Variants in KMT5C observed in about 807,000 individuals in gnomAD.
The protein encoded by KMT5C is histone-lysine N-methyltransferase KMT5C.
Under a neutral mutation model 38.2 loss-of-function variants are expected in KMT5C, and 16 were observed. That is an observed-to-expected ratio of 0.42 (90% CI 0.28 to 0.64). The LOEUF is 0.64. Ranked by LOEUF, KMT5C falls within the 30% of genes least tolerant of loss-of-function variation. The pLI is 0.23. For missense variants in KMT5C, 598 were observed against 665.1 expected, an observed-to-expected ratio of 0.90 and a Z score of 1.11; for synonymous variants, 291 against 279.0, an observed-to-expected ratio of 1.04 and a Z score of -0.43.
chr19:55,346,308 C>T lies in KMT5C; in HGVS notation c.666C>T (p.Phe222=), dbSNP rs142116321. 643 of 1,614,032 alleles carry T rather than the reference C, an allele frequency of 4.0e-4. 2 individuals are homozygous for T. The African/African-American group carries it at 5.6e-3, about 14-fold the overall frequency. ...EVTCFYGEGF[F]GEKNEHCECH... ...CATGCTTCTACGGCGAGGGCTTCTT[C>T]GGCGAGAAGAATGAGCACTGTGAAT... Residue 222 remains phenylalanine, a synonymous_variant, in exon 7 of 9, where the codon TTC becomes TTT. Transcript: ENST00000255613.
At chr19:55,340,166 G>C (rs2057016865) in intron 1 of KMT5C, among the ~76,000 whole-genome samples, 1 of 151,688 alleles carries the variant, frequency 6.6e-6, no homozygotes, top group Non-Finnish European at 1.5e-5. Flanking sequence ...CCCGGGCCCT[G>C]ACCCCCTTCT....
At position 55,347,206 on chromosome 19, in the gene KMT5C, C is replaced by A. The variant is rs10420654; in HGVS notation, c.1146C>A (p.Ala382=). Residue 382 remains alanine (A), a synonymous_variant, in exon 9 of 9, where the codon GCC becomes GCA. Coordinates refer to ENST00000255613, the MANE Select transcript of KMT5C (RefSeq NM_032701.4). This position sits in a 1 kb window ranked among gnomAD's most constrained non-coding sequence, Gnocchi z 4.6. The stretch of plus-strand genomic sequence containing the variant: ...TGGCCCTGGGCCAGCCCCCCCACGC[C>A]CGCTGGGCCCCTCAGCAGGACTGGC... ...ALVALGQPPH[A]RWAPQQDWHW... 7.5e-3 allele frequency: 11,582 copies of A among 1,539,466 alleles called. 720 individuals carry two copies. The African/African-American group carries it at 0.14, about 18-fold the overall frequency.
intron 1 of KMT5C, among the ~76,000 whole-genome samples, 168 bp downstream of exon 1, chr19:55,340,125 G>A (rs553988321): frequency 1.3e-5 from 2 of 150,154 alleles, no homozygotes; most frequent in African/African-American, 4.9e-5. Context: ...CGGGCTCCGC[G>A]GCACTGCAGC....
intron 6 of KMT5C, chr19:55,344,744 C>A: frequency 1.9e-6 from 1 of 527,370 alleles, no homozygotes; most frequent in East Asian, 5.5e-5. Flanking sequence ...GGAGAGGCCG[C>A]TGGTTGTCCT....
rs768264870 is a variant in KMT5C at position 55,342,269 on chromosome 19, C to T, written c.165C>T (p.Phe55=). The change falls in exon 3 of 9, where the codon TTC becomes TTT. Residue 55 remains phenylalanine, a synonymous_variant. Transcript: ENST00000255613. ...QQHLRSALET[F]LRQRDLEAAY... is the part of the protein sequence containing the mutation. The stretch of plus-strand genomic sequence containing the variant: ...ACCTGCGCTCAGCGCTGGAAACTTT[C>T]CTGAGGCAGCGGGACCTGGAGGCTG... 5.0e-6 allele frequency: 8 copies of T among 1,607,764 alleles called. No individual in the cohort carries two copies. The highest frequency in any genetic ancestry group is 6.8e-6 in the Non-Finnish European group (8 of 1,178,044).
At chr19:55,346,848 G>C in intron 8 of KMT5C, 108 bp from the exon 9 acceptor site, 1 of 786,336 alleles carries the variant, frequency 1.3e-6, no homozygotes. Flanking sequence ...CATTCCTCTG[G>C]GGAGCGCAGG....
At position 55,343,391 on chromosome 19, in the gene KMT5C, G is replaced by A. The variant is rs987686538; in HGVS notation, c.387-289G>A. The A allele has an allele frequency of 3.0e-5, 14 of 468,912 alleles. No individual in the cohort carries two copies. In the South Asian group the frequency reaches 3.3e-4, roughly 11 times the overall value. 29.0% of individuals were successfully genotyped at this position (468,912 alleles called of 1,614,324 possible). On this transcript the variant is annotated intron_variant, in intron 4 of 8. Coordinates refer to ENST00000255613, the MANE Select transcript of KMT5C (RefSeq NM_032701.4). This position sits in a 1 kb window ranked among gnomAD's most constrained non-coding sequence, Gnocchi z 5.5. ...TAGTCCAGGCAGGAGGGATTTGGGGGCAGGAGGTGCTATGAGAGCGAGGGG... is the reference window on the plus strand; with the variant it reads ...TAGTCCAGGCAGGAGGGATTTGGGGACAGGAGGTGCTATGAGAGCGAGGGG...
chr19:55,340,310 C>G (rs2089542608), intron 1 of KMT5C, among the ~76,000 whole-genome samples: 1 of 151,350 alleles, frequency 6.6e-6, no homozygotes, highest in Admixed American at 6.6e-5. Flanking sequence ...CCAGGTCTCT[C>G]CCTGCACCCT....
At position 55,347,077 on chromosome 19, in the gene KMT5C, G is replaced by A; in HGVS notation, c.1017G>A (p.Arg339=). Reference sequence around the variant, plus strand: ...GGCCCCGGAAGCGCCGACGCCCCCGGCCCCGGAGGGCCCCAGTGCTCTCCA... The same window carrying A: ...GGCCCCGGAAGCGCCGACGCCCCCGACCCCGGAGGGCCCCAGTGCTCTCCA... ...RVRPRKRRRP[R]PRRAPVLSTH... The change falls in exon 9 of 9, where the codon CGG becomes CGA. Residue 339 remains arginine (R), a synonymous_variant. Transcript: ENST00000255613. This position sits in a 1 kb window ranked among gnomAD's most constrained non-coding sequence, Gnocchi z 4.6. The A allele has an allele frequency of 6.4e-7, 1 of 1,572,108 alleles. No individual in the cohort carries two copies. Among genetic ancestry groups the A allele is most frequent in the Non-Finnish European group, 8.6e-7 (1 of 1,166,570 alleles).
In KMT5C at chr19:55,346,503, A is replaced by G; in HGVS notation, c.711A>G (p.Lys237=). 1 of 1,593,704 alleles carries G rather than the reference A, an allele frequency of 6.3e-7. No homozygotes were observed. Among genetic ancestry groups the G allele is most frequent in the Non-Finnish European group, 8.5e-7 (1 of 1,170,596 alleles). The change falls in exon 8 of 9, where the codon AAA becomes AAG. Residue 237 remains lysine (K), a synonymous_variant. Coordinates refer to ENST00000255613, the MANE Select transcript of KMT5C (RefSeq NM_032701.4). Reference sequence around the variant, plus strand: ...TCCCCTTCACCCGGTCTCCCAGGAAAGGTGAAGGAGCTTTCCGAACCAGGC... The same window carrying G: ...TCCCCTTCACCCGGTCTCCCAGGAAGGGTGAAGGAGCTTTCCGAACCAGGC... ...EHCECHTCER[K]GEGAFRTRPR...
In KMT5C at chr19:55,343,613, C is replaced by T. The variant is rs1385431426; in HGVS notation, c.387-67C>T. 19 of 1,504,468 alleles carry T rather than the reference C, an allele frequency of 1.3e-5. No homozygotes were observed. The highest frequency in any genetic ancestry group is 2.5e-5 in the East Asian group (1 of 40,404). 93.2% of individuals were successfully genotyped at this position (1,504,468 alleles called of 1,614,324 possible). On this transcript the variant is annotated intron_variant, in intron 4 of 8. Coordinates refer to ENST00000255613, the MANE Select transcript of KMT5C (RefSeq NM_032701.4). This position sits in a 1 kb window ranked among gnomAD's most constrained non-coding sequence, Gnocchi z 5.5. ...CCTGGGTGCCTCTGTGCCGGAGGCC[C>T]GAGTCCCCTGAACACCTGCAGGAGG...
chr19:55,344,298 C>G (rs2123194711), intron 6 of KMT5C: 2 of 290,288 alleles, frequency 6.9e-6, no homozygotes, highest in South Asian at 7.4e-5. Context: ...GGAGGCGGAG[C>G]TTGCGGTGAG....
At position 55,341,975 on chromosome 19, in the gene KMT5C, GAAC is replaced by G; in HGVS notation, c.40_42del (p.Asn14del). The G allele has an allele frequency of 6.2e-7, 1 of 1,613,704 alleles. No homozygotes were observed. The highest frequency in any genetic ancestry group is 8.5e-7 in the Non-Finnish European group (1 of 1,179,972). ...GAGTGACAGCACGAGAACTGTGCGA[GAAC>G]GACGACCTGGCCACCAGCCTCGTCC... On this transcript the variant is annotated inframe_deletion, in exon 2 of 9. Coordinates refer to ENST00000255613, the MANE Select transcript of KMT5C (RefSeq NM_032701.4).
At chr19:55,344,761 C>G in intron 6 of KMT5C, 1 of 528,300 alleles carries the variant, frequency 1.9e-6, no homozygotes. Flanking sequence ...TCCTGTAGCC[C>G]GGAAGCAGAA....
intron 3 of KMT5C, 98 bp downstream of exon 3, chr19:55,342,478 C>T: frequency 1.1e-6 from 1 of 941,690 alleles, no homozygotes; most frequent in Non-Finnish European, 1.5e-6. Flanking sequence ...CTCAGCGCAG[C>T]CCCTGGGGCC....
At chr19:55,341,355 G>A (rs2089554324) in intron 1 of KMT5C, among the ~76,000 whole-genome samples, 1 of 152,156 alleles carries the variant, frequency 6.6e-6, no homozygotes, top group African/African-American at 2.4e-5. Flanking sequence ...CACTCCCGAA[G>A]GCTGCCGGGG....
intron 1 of KMT5C, 158 bp from the exon 2 acceptor site, chr19:55,341,636 T>G: frequency 7.0e-6 from 3 of 427,332 alleles, no homozygotes; most frequent in East Asian, 4.8e-5. Flanking sequence ...GGGTTGTGTG[T>G]TTAGGGGGGA....
At position 55,346,368 on chromosome 19, in the gene KMT5C, CG is replaced by C. The variant is rs1230661683; in HGVS notation, c.707+21del. The C allele has an allele frequency of 6.2e-7, 1 of 1,613,696 alleles. No homozygotes were observed. Among genetic ancestry groups the C allele is most frequent in the Admixed American group, 1.7e-5 (1 of 59,988 alleles). ...GTGAGAGGTGGGACCGGGCGAGAGG[CG>C]GCTGGGTTCGGGTCGTCTGGGCTTC... On this transcript the variant is annotated intron_variant, in intron 7 of 8. Transcript: ENST00000255613.
chr19:55,344,184 A>G, intron 6 of KMT5C, 187 bp downstream of exon 6: 1 of 558,370 alleles, frequency 1.8e-6, no homozygotes, highest in Non-Finnish European at 3.2e-6. Context: ...ACCACGGTGA[A>G]ACCCCATCTC....
Sources: gnomAD v4.1 joint callset for allele counts (sites outside exome capture counted in the v4.1 genomes callset) on GRCh38, gnomAD v4.1.1 for gene constraint, Gnocchi (gnomAD v3.1) non-coding constraint, MANE v1.5 for transcripts, NCBI Gene and HGNC (gene_info 2026-07-23, HGNC 2026-07-21) for gene names.